The following TOM1 variants were observed in gnomAD, a reference collection of about 807,000 sequenced individuals.
The protein encoded by TOM1 is target of myb1 membrane trafficking protein, also known as target of Myb protein 1.
TOM1 carries 38 observed loss-of-function variants against 61.3 expected under a neutral mutation model. The observed-to-expected ratio is 0.62, with a 90% CI of 0.48 to 0.81. TOM1 has a LOEUF of 0.81. Ranked by LOEUF, TOM1 falls within the 40% of genes least tolerant of loss-of-function variation. TOM1 has a pLI of 0.00. For synonymous variants in TOM1, 270 were observed against 268.8 expected (o/e 1.00, Z -0.04); for missense variants, 591 against 659.6 (o/e 0.90, Z 1.14).
chr22:35,308,976 C>T (rs1324933879), intron 1 of TOM1, among the ~76,000 whole-genome samples: 4 of 151,902 alleles, frequency 2.6e-5, no homozygotes, highest in East Asian at 1.9e-4. Flanking sequence ...GAACTTTCCA[C>T]GCTGGGTCTG....
intron 1 of TOM1, among the ~76,000 whole-genome samples, chr22:35,302,586 C>T (rs1000548066): frequency 6.6e-6 from 1 of 152,116 alleles, no homozygotes; most frequent in East Asian, 1.9e-4. Flanking sequence ...CCCACCTCAG[C>T]CTCCCAAAGT....
intron 1 of TOM1, among the ~76,000 whole-genome samples, chr22:35,310,160 C>G (rs1049991261): frequency 6.6e-6 from 1 of 152,144 alleles, no homozygotes; most frequent in Non-Finnish European, 1.5e-5. Context: ...CCAGAGGGGT[C>G]GGTCAGAATA....
At chr22:35,337,840 G>A (rs1164172676) in intron 11 of TOM1, among the ~76,000 whole-genome samples, 1 of 152,162 alleles carries the variant, frequency 6.6e-6, no homozygotes, top group African/African-American at 2.4e-5. Context: ...CTGAAGTCCT[G>A]TCTGCCGGCA....
At position 35,323,167 on chromosome 22, in the gene TOM1, A is replaced by T; in HGVS notation, c.356A>T (p.Asn119Ile). The change falls in exon 4 of 15, where the codon AAC becomes ATC. Residue 119 changes from asparagine to isoleucine, a missense_variant. Coordinates refer to ENST00000449058, the MANE Select transcript of TOM1 (RefSeq NM_005488.3). This position sits in a 1 kb window ranked among gnomAD's most constrained non-coding sequence, Gnocchi z 4.2. ...ACCATCGTGCATGACAAAGTGCTCA[A>T]CCTCATCCAGGTGAGTGCCAGGACA... The part of the protein sequence containing the change: ...PPTIVHDKVL[N>I]LIQSWADAFR... The T allele has an allele frequency of 6.2e-7, 1 of 1,613,846 alleles. No individual in the cohort carries two copies. The highest frequency in any genetic ancestry group is 8.5e-7 in the Non-Finnish European group (1 of 1,180,012).
At chr22:35,306,668 T>G (rs1415328351) in intron 1 of TOM1, among the ~76,000 whole-genome samples, 2 of 152,236 alleles carry the variant, frequency 1.3e-5, no homozygotes, top group African/African-American at 2.4e-5. Context: ...GTTGTTGTGC[T>G]ATAAAGCACT....
intron 1 of TOM1, among the ~76,000 whole-genome samples, chr22:35,317,510 G>C (rs1279270131): frequency 1.3e-5 from 2 of 152,284 alleles, no homozygotes; most frequent in African/African-American, 4.8e-5. Flanking sequence ...CTAAAGTCAA[G>C]GGAGAACATC....
At chr22:35,339,920 G>C (rs944969215) in intron 12 of TOM1, among the ~76,000 whole-genome samples, 1 of 150,290 alleles carries the variant, frequency 6.7e-6, no homozygotes, top group African/African-American at 2.4e-5. Context: ...AAAAAAAAGA[G>C]CGGACCCTAA....
rs1046645157 is a variant in TOM1, at chr22:35,330,791, C to T, written c.899+311C>T. Among the ~76,000 whole-genome samples, 9 of 152,342 alleles carry T rather than the reference C, an allele frequency of 5.9e-5. 1 individual carries two copies. The South Asian group carries it at 1.7e-3, about 28-fold the overall frequency. ...CAACCAGACTGGCCTGGTGTGTCCTCGCCCACTCCACCACTTCCTGGTTCT... is the reference window on the plus strand; with the variant it reads ...CAACCAGACTGGCCTGGTGTGTCCTTGCCCACTCCACCACTTCCTGGTTCT... On this transcript the variant is annotated intron_variant, in intron 8 of 14. Transcript: ENST00000449058.
chr22:35,306,983 G>C (rs1926379531), intron 1 of TOM1, among the ~76,000 whole-genome samples: 1 of 152,006 alleles, frequency 6.6e-6, no homozygotes, highest in South Asian at 2.1e-4. Context: ...CCCTTAGTGA[G>C]CTCAAAGAAA....
At chr22:35,301,038 C>T (rs367657197) in intron 1 of TOM1, among the ~76,000 whole-genome samples, 58 of 137,914 alleles carry the variant, frequency 4.2e-4, no homozygotes, top group African/African-American at 1.5e-3. Flanking sequence ...ATGGCGAGAC[C>T]CCGTCTCTAC....
At chr22:35,303,568 G>A (rs1926044152) in intron 1 of TOM1, among the ~76,000 whole-genome samples, 1 of 147,330 alleles carries the variant, frequency 6.8e-6, no homozygotes, top group African/African-American at 2.5e-5. Flanking sequence ...CACAGCCTCA[G>A]CTCACTGCAA....
At chr22:35,319,498 G>A (rs917217132) in intron 2 of TOM1, among the ~76,000 whole-genome samples, 5 of 152,232 alleles carry the variant, frequency 3.3e-5, no homozygotes, top group South Asian at 2.1e-4. Context: ...TGGGCCCACA[G>A]CAGTGGCAAG....
chr22:35,344,093 G>A (rs1167857835), intron 12 of TOM1: 2 of 152,184 alleles, frequency 1.3e-5, no homozygotes, highest in African/African-American at 4.8e-5. Flanking sequence ...CTCCCAAAGT[G>A]GCAGCAGGCC....
At chr22:35,301,020 T>G (rs1276181451) in intron 1 of TOM1, among the ~76,000 whole-genome samples, 1 of 136,398 alleles carries the variant, frequency 7.3e-6, no homozygotes. Context: ...GAGACCAGCC[T>G]GGGCAACATG....
At chr22:35,305,613 T>A (rs1356658092) in intron 1 of TOM1, among the ~76,000 whole-genome samples, 1 of 149,810 alleles carries the variant, frequency 6.7e-6, no homozygotes, top group Non-Finnish European at 1.5e-5. Context: ...TGAGCCAAGA[T>A]CACGCCGCTG....
chr22:35,310,586 A>G lies in TOM1; in HGVS notation c.53-7291A>G, dbSNP rs60298343. ...ATGTATTCAGAGGATTGCAAGTTGG[A>G]AGAAGGATTAGGATTTCCACACAAT... On this transcript the variant is annotated intron_variant, in intron 1 of 14. Coordinates refer to ENST00000449058, the MANE Select transcript of TOM1 (RefSeq NM_005488.3). Among the ~76,000 whole-genome samples, 1,422 of 152,276 alleles carry G rather than the reference A, an allele frequency of 9.3e-3. 15 individuals carry two copies. The highest frequency in any genetic ancestry group is 0.033 in the African/African-American group (1,371 of 41,538).
intron 12 of TOM1, among the ~76,000 whole-genome samples, chr22:35,339,267 G>T (rs1020847153): frequency 7.2e-5 from 11 of 152,122 alleles, no homozygotes; most frequent in African/African-American, 2.7e-4. Flanking sequence ...GATGGTGGAA[G>T]TTGCAGGGAG....
intron 8 of TOM1, 75 bp downstream of exon 8, chr22:35,330,555 G>A (rs996161424): frequency 1.3e-5 from 18 of 1,428,598 alleles, no homozygotes; most frequent in Non-Finnish European, 1.6e-5. Flanking sequence ...TGTTCTCCTG[G>A]TCTCATGCCA....
chr22:35,343,698 T>A (rs1324820318), intron 12 of TOM1, among the ~76,000 whole-genome samples: 3 of 81,716 alleles, frequency 3.7e-5, no homozygotes, highest in African/African-American at 9.8e-5. Context: ...TACACACTCA[T>A]ACACCTACAC....
Sources: allele counts gnomAD v4.1 joint callset (sites outside exome capture counted in the v4.1 genomes callset), GRCh38; gene constraint gnomAD v4.1.1; non-coding constraint Gnocchi (gnomAD v3.1); transcripts MANE v1.5; gene names NCBI Gene and HGNC (gene_info 2026-07-23, HGNC 2026-07-21).